Variants in SPDYE4 observed in about 807,000 individuals in gnomAD.
SPDYE4 encodes the protein speedy protein E4.
In SPDYE4, 30 loss-of-function variants were observed where a neutral mutation model predicts 37.5. The ratio of observed to expected loss-of-function variants is 0.80; its 90% CI spans 0.60 to 1.09. The LOEUF (loss-of-function observed/expected upper bound fraction) is 1.09. Ranked by LOEUF, SPDYE4 falls within the 50% of genes least tolerant of loss-of-function variation. SPDYE4 has a pLI of 0.00. For synonymous variants in SPDYE4, 131 were observed against 120.3 expected, an observed-to-expected ratio of 1.09 and a Z score of -0.58; for missense variants, 300 against 307.9, an observed-to-expected ratio of 0.97 and a Z score of 0.19.
intron 6 of SPDYE4, among the ~76,000 whole-genome samples, chr17:8,752,489 A>C (rs562083003): frequency 6.6e-6 from 1 of 152,296 alleles, no homozygotes; most frequent in East Asian, 1.9e-4. Flanking sequence ...CATAGCAAGG[A>C]CTTTGGGTGG....
chr17:8,753,714 T>TG (rs1259091191), intron 4 of SPDYE4, among the ~76,000 whole-genome samples: 1 of 152,128 alleles, frequency 6.6e-6, no homozygotes, highest in African/African-American at 2.4e-5. Flanking sequence ...CTGGGAGTGG[T>TG]GGCTCTTGCT....
intron 2 of SPDYE4, among the ~76,000 whole-genome samples, chr17:8,756,662 C>CACCAG (rs2086775309): frequency 6.6e-6 from 1 of 152,194 alleles, no homozygotes; most frequent in Non-Finnish European, 1.5e-5. Context: ...TCAGAGTCTA[C>CACCAG]AGGATGAAGA....
chr17:8,758,462 G>T lies in SPDYE4; in HGVS notation c.-80C>A, dbSNP rs539674371. 9.1e-6 allele frequency: 12 copies of T among 1,324,820 alleles called. No homozygotes were observed. In the Admixed American group the frequency reaches 2.2e-4, roughly 24 times the overall value. The allele number at this position is 1,324,820 out of a possible 1,614,324, so 82.1% of individuals were successfully genotyped here. The stretch of plus-strand genomic sequence containing the variant: ...AAAGCCTTCTTCCAGACTCCGTTAG[G>T]ACCCAGAAGAGTGCGTTTCTCTTCT... On this transcript the variant is annotated 5_prime_UTR_variant, in exon 1 of 7. Coordinates refer to ENST00000689094, the MANE Select transcript of SPDYE4 (RefSeq NM_001394956.1).
downstream of SPDYE4, among the ~76,000 whole-genome samples, chr17:8,750,765 G>T (rs1490678556): frequency 2.0e-5 from 3 of 152,182 alleles, no homozygotes; most frequent in African/African-American, 7.2e-5. Context: ...AGGGTTAATA[G>T]ATTTGTTCAA....
At chr17:8,756,564 G>A in intron 2 of SPDYE4, 128 bp from the exon 3 acceptor site, 1 of 834,726 alleles carries the variant, frequency 1.2e-6, no homozygotes, top group Non-Finnish European at 1.9e-6. Flanking sequence ...TAGGTGGATG[G>A]GAGAGGAGAG....
At chr17:8,757,780 TCTCTC>T (rs931274097) in intron 1 of SPDYE4, among the ~76,000 whole-genome samples, 1 of 148,186 alleles carries the variant, frequency 6.7e-6, no homozygotes, top group African/African-American at 2.5e-5. Flanking sequence ...TCTCTCTCTC[TCTCTC>T]TTTTTTTTTT....
Position 8,758,356 on chromosome 17 carries a change from C to T in SPDYE4, c.27G>A (p.Pro9=), listed in dbSNP as rs528196076. ...TAGGCTGGGGGCTCTCCTCCTCAAA[C>T]GGGGGGCGCGCTTGACCACTGGCCA... MASGQARP[P]FEEESPQPST... is the part of the protein sequence containing the mutation. Residue 9 remains proline (P), a synonymous_variant, in exon 1 of 7, where the codon CCG becomes CCA. Transcript: ENST00000689094. 185 of 1,551,446 alleles carry T rather than the reference C, an allele frequency of 1.2e-4. No homozygotes were observed. The African/African-American group carries it at 1.2e-3, about 10-fold the overall frequency.
In SPDYE4 at chr17:8,758,459, T is replaced by TA. The variant is rs1252515689; in HGVS notation, c.-78dup. 4 of 1,346,868 alleles carry TA rather than the reference T, an allele frequency of 3.0e-6. No homozygotes were observed. The highest frequency in any genetic ancestry group is 4.2e-6 in the Non-Finnish European group (4 of 960,536). 83.4% of individuals were successfully genotyped at this position (1,346,868 alleles called of 1,614,324 possible). On this transcript the variant is annotated 5_prime_UTR_variant, in exon 1 of 7. Coordinates refer to ENST00000689094, the MANE Select transcript of SPDYE4 (RefSeq NM_001394956.1). ...TCCAAAGCCTTCTTCCAGACTCCGT[T>TA]AGGACCCAGAAGAGTGCGTTTCTCT...
downstream of SPDYE4, among the ~76,000 whole-genome samples, chr17:8,749,665 C>T (rs2086714228): frequency 6.6e-6 from 1 of 152,186 alleles, no homozygotes; most frequent in Admixed American, 6.5e-5. Context: ...TCCCAAAGTG[C>T]TGAAATGACA....
downstream of SPDYE4, among the ~76,000 whole-genome samples, chr17:8,750,162 A>G (rs1055110683): frequency 3.9e-5 from 6 of 151,930 alleles, no homozygotes; most frequent in Admixed American, 1.3e-4. Flanking sequence ...GCCGAGGGGG[A>G]CGGACCACCT....
At chr17:8,752,946 A>T (rs2086739103) in intron 6 of SPDYE4, among the ~76,000 whole-genome samples, 148 bp downstream of exon 6, 1 of 151,974 alleles carries the variant, frequency 6.6e-6, no homozygotes, top group African/African-American at 2.4e-5. Flanking sequence ...AGAGGCGCCC[A>T]CCAGGACGCC....
rs1555524402 is a variant in SPDYE4 at position 8,757,785 on chromosome 17, C to CTT, written c.110-295_110-294dup. ...CTGTCTGCTCTCTCTCTCTCTCTCTCTTTTTTTTTTTTTTGAGATGGAGTC... is the reference window on the plus strand; with the variant it reads ...CTGTCTGCTCTCTCTCTCTCTCTCTCTTTTTTTTTTTTTTTTGAGATGGAGTC... On this transcript the variant is annotated intron_variant, in intron 1 of 6. Coordinates refer to ENST00000689094, the MANE Select transcript of SPDYE4 (RefSeq NM_001394956.1). 5.2e-3 allele frequency among the ~76,000 whole-genome samples: 557 copies of CTT among 107,384 alleles called. 4 individuals are homozygous for CTT. The highest frequency in any genetic ancestry group is 0.016 in the African/African-American group (501 of 31,848). 70.4% of individuals were successfully genotyped at this position (107,384 alleles called of 152,430 possible).
Position 8,752,560 on chromosome 17 carries a change from G to A in SPDYE4, c.*45-323C>T, listed in dbSNP as rs115839535. On this transcript the variant is annotated intron_variant, in intron 6 of 6. Transcript: ENST00000689094. ...GGCTTTGGACTTCATCACACTTGGG[G>A]CCCTTTATATTGCTTAAGATCTAAA... 3.0e-3 allele frequency among the ~76,000 whole-genome samples: 449 copies of A among 152,192 alleles called. 2 individuals are homozygous for A. The highest frequency in any genetic ancestry group is 9.6e-3 in the African/African-American group (400 of 41,534).
At position 8,755,513 on chromosome 17, in the gene SPDYE4, T is replaced by C; in HGVS notation, c.485+7A>G. On this transcript the variant is annotated splice_region_variant and intron_variant, in intron 4 of 6. Transcript: ENST00000689094. ...TATTGACAGATGGGAAGAAGCAAAC[T>C]ACTCACAGAGCCAGGAAGAAATGAA... 1 of 1,611,072 alleles carries C rather than the reference T, an allele frequency of 6.2e-7. No individual in the cohort carries two copies. The highest frequency in any genetic ancestry group is 8.5e-7 in the Non-Finnish European group (1 of 1,179,214).
At chr17:8,753,052 G>T in intron 6 of SPDYE4, 42 bp downstream of exon 6, 2 of 1,480,028 alleles carry the variant, frequency 1.4e-6, no homozygotes, top group Non-Finnish European at 1.9e-6. Flanking sequence ...TTTTCTTATA[G>T]ATGAGAATAT....
At position 8,758,402 on chromosome 17, in the gene SPDYE4, G is replaced by T. The variant is rs761249224; in HGVS notation, c.-20C>A. 1.6e-5 allele frequency: 25 copies of T among 1,547,426 alleles called. No individual in the cohort carries two copies. In the African/African-American group the frequency reaches 3.0e-4, roughly 19 times the overall value. On this transcript the variant is annotated 5_prime_UTR_variant, in exon 1 of 7. Coordinates refer to ENST00000689094, the MANE Select transcript of SPDYE4 (RefSeq NM_001394956.1). ...GGCCATAATCTCTCCCAAACACTTTGTTTCTGTCCACAAAACCTAGTCCCT... is the reference window on the plus strand; with the variant it reads ...GGCCATAATCTCTCCCAAACACTTTTTTTCTGTCCACAAAACCTAGTCCCT...
At chr17:8,750,429 G>C (rs1284743516), downstream of SPDYE4, among the ~76,000 whole-genome samples, 1 of 148,296 alleles carries the variant, frequency 6.7e-6, no homozygotes, top group Non-Finnish European at 1.5e-5. Context: ...TAAAATAAAG[G>C]GCCAGGGGAG....
Position 8,753,373 on chromosome 17 carries a change from A to G in SPDYE4, c.602T>C (p.Leu201Pro). Residue 201 changes from leucine (L) to proline (P), a missense_variant, in exon 5 of 7, where the codon CTC (leucine) becomes CCC (proline). Leu to Pro is a moderately conservative substitution (Grantham distance 98). Transcript: ENST00000689094. Reference protein sequence around the residue: ...RPLFHKLRYQLLCSMRWRTWV... With the variant: ...RPLFHKLRYQPLCSMRWRTWV... ...CGTCCTCCAGCGCATGGAACAGAGGAGCTGGTATCGAAGCTTATGGAACAA... is the reference window on the plus strand; with the variant it reads ...CGTCCTCCAGCGCATGGAACAGAGGGGCTGGTATCGAAGCTTATGGAACAA... 1 of 1,582,360 alleles carries G rather than the reference A, an allele frequency of 6.3e-7. No individual in the cohort carries two copies. The highest frequency in any genetic ancestry group is 8.6e-7 in the Non-Finnish European group (1 of 1,164,304).
Position 8,753,305 on chromosome 17 carries a change from AT to A in SPDYE4, c.654+15del. On this transcript the variant is annotated intron_variant, in intron 5 of 6. Transcript: ENST00000689094. ...CATCCCTCCCCACCCCCACCTCCTC[AT>A]ATGGCCCCACCTACCTCCTCCATCT... 1.8e-6 allele frequency: 1 copy of A among 566,668 alleles called. No individual in the cohort carries two copies. Among genetic ancestry groups the A allele is most frequent in the Non-Finnish European group, 2.6e-6 (1 of 390,890 alleles). The allele number at this position is 566,668 out of a possible 1,614,324, so 35.1% of individuals were successfully genotyped here. A position where few individuals can be genotyped will look rare whatever the true frequency, so the allele number is the denominator to read the frequency against.
Sources: allele counts gnomAD v4.1 joint callset (sites outside exome capture counted in the v4.1 genomes callset), GRCh38; gene constraint gnomAD v4.1.1; transcripts MANE v1.5; gene names NCBI Gene and HGNC (gene_info 2026-07-23, HGNC 2026-07-21).